The following SLC35D4 variants were observed in gnomAD, a reference collection of about 807,000 sequenced individuals.
The protein encoded by SLC35D4 is solute carrier family 35 member D4.
At chr18:23,333,461 T>G in the SLC35D4 span, among the ~76,000 whole-genome samples, 1 of 152,216 alleles carries the variant, frequency 6.6e-6, no homozygotes, top group Non-Finnish European at 1.5e-5. Context: ...AAAGACGAAA[T>G]TTAATAACTG....
the SLC35D4 span, among the ~76,000 whole-genome samples, chr18:23,246,936 G>T: frequency 6.6e-6 from 1 of 152,166 alleles, no homozygotes; most frequent in Non-Finnish European, 1.5e-5. Context: ...CAAGTGATCT[G>T]CCTGCCTCAG....
At chr18:23,279,012 CAAA>C in the SLC35D4 span, among the ~76,000 whole-genome samples, 20 of 96,076 alleles carry the variant, frequency 2.1e-4, no homozygotes, top group African/African-American at 4.6e-4. Flanking sequence ...GACCCCATCT[CAAA>C]AAAAAAAAAA....
At chr18:23,289,017 TC>T in the SLC35D4 span, among the ~76,000 whole-genome samples, 1 of 152,206 alleles carries the variant, frequency 6.6e-6, no homozygotes, top group Non-Finnish European at 1.5e-5. Context: ...GTACGGACGC[TC>T]CTTTTTATTA....
chr18:23,320,216 T>C, the SLC35D4 span, among the ~76,000 whole-genome samples: 2 of 152,230 alleles, frequency 1.3e-5, no homozygotes, highest in Non-Finnish European at 2.9e-5. Context: ...TTTTTCCTCT[T>C]TGTGTTTCAC....
the SLC35D4 span, among the ~76,000 whole-genome samples, chr18:23,336,968 G>T: frequency 6.6e-6 from 1 of 152,034 alleles, no homozygotes; most frequent in African/African-American, 2.4e-5. Context: ...AAGTGTGATG[G>T]GCTTTGTAAA....
chr18:23,286,531 T>C, the SLC35D4 span, among the ~76,000 whole-genome samples: 1,591 of 152,118 alleles, frequency 0.01, 25 homozygotes, highest in African/African-American at 0.037. Context: ...TGAAGACTGA[T>C]GCTGCCCGAT....
the SLC35D4 span, among the ~76,000 whole-genome samples, chr18:23,436,033 C>CTTT: frequency 1.0e-5 from 1 of 96,240 alleles, no homozygotes; most frequent in Non-Finnish European, 2.0e-5. Context: ...AACACTTTCT[C>CTTT]TTTTTTTTTT....
At chr18:23,419,285 CT>C in the SLC35D4 span, among the ~76,000 whole-genome samples, 1 of 143,320 alleles carries the variant, frequency 7.0e-6, no homozygotes. Flanking sequence ...TTTAAAATTT[CT>C]TTTTTTTCTT....
the SLC35D4 span, among the ~76,000 whole-genome samples, chr18:23,436,194 AT>A: frequency 6.6e-6 from 1 of 151,292 alleles, no homozygotes; most frequent in Admixed American, 6.6e-5. Context: ...CGCCTGGCTA[AT>A]TTTTGTATTT....
the SLC35D4 span, chr18:23,257,667 G>A: frequency 3.7e-4 from 104 of 284,812 alleles, no homozygotes; most frequent in Non-Finnish European, 5.9e-4. Flanking sequence ...CTTTCTCCCC[G>A]GCATTCACAA....
the SLC35D4 span, among the ~76,000 whole-genome samples, chr18:23,339,991 C>G: frequency 1.3e-5 from 2 of 152,196 alleles, no homozygotes; most frequent in African/African-American, 4.8e-5. Context: ...TGACCAAAGT[C>G]AAACAGTGAG....
At chr18:23,254,517 T>C in the SLC35D4 span, among the ~76,000 whole-genome samples, 8 of 152,228 alleles carry the variant, frequency 5.3e-5, no homozygotes, top group Middle Eastern at 3.2e-3. Context: ...ATTGAGAAGA[T>C]AGTTTGTTAC....
the SLC35D4 span, among the ~76,000 whole-genome samples, chr18:23,272,000 A>G: frequency 1.3e-5 from 2 of 152,254 alleles, no homozygotes; most frequent in South Asian, 4.1e-4. Flanking sequence ...CCTATAATCA[A>G]TGGGCAAACA....
chr18:23,251,520 G>T, the SLC35D4 span, among the ~76,000 whole-genome samples: 1 of 152,134 alleles, frequency 6.6e-6, no homozygotes, highest in African/African-American at 2.4e-5. Context: ...GTATACTCTC[G>T]AGGAGGGATG....
the SLC35D4 span, among the ~76,000 whole-genome samples, chr18:23,324,782 G>A: frequency 7.2e-5 from 11 of 152,192 alleles, no homozygotes; most frequent in Non-Finnish European, 1.3e-4. Flanking sequence ...CAGCATGAAC[G>A]AGCCCAGCAC....
the SLC35D4 span, among the ~76,000 whole-genome samples, chr18:23,326,728 C>T: frequency 6.6e-6 from 1 of 152,220 alleles, no homozygotes; most frequent in Non-Finnish European, 1.5e-5. Flanking sequence ...GAACTCTCCA[C>T]CCCAAATCAA....
At chr18:23,309,611 G>A in the SLC35D4 span, 7 of 1,423,380 alleles carry the variant, frequency 4.9e-6, no homozygotes, top group Non-Finnish European at 5.0e-6. Flanking sequence ...ACATTTGAGA[G>A]CAAAATTTAG....
chr18:23,353,201 T>C, the SLC35D4 span, among the ~76,000 whole-genome samples: 8 of 151,366 alleles, frequency 5.3e-5, no homozygotes, highest in Non-Finnish European at 1.2e-4. Context: ...TATTTGAACT[T>C]GAAAATTGCA....
At chr18:23,356,768 C>G in the SLC35D4 span, 1 of 931,610 alleles carries the variant, frequency 1.1e-6, no homozygotes, top group Non-Finnish European at 1.7e-6. The surrounding 1 kb of genome is among the most constrained non-coding windows in gnomAD (Gnocchi z 4.1). Context: ...CAGTCCTGTG[C>G]TTTCAGTCCC....
Sources: gnomAD v4.1 joint callset for allele counts (sites outside exome capture counted in the v4.1 genomes callset) on GRCh38, gnomAD v4.1.1 for gene constraint, Gnocchi (gnomAD v3.1) non-coding constraint, MANE v1.5 for transcripts, NCBI Gene and HGNC (gene_info 2026-07-23, HGNC 2026-07-21) for gene names.